The following GALNTL5 variants were observed in gnomAD, a reference collection of about 807,000 sequenced individuals.
GALNTL5 encodes inactive polypeptide N-acetylgalactosaminyltransferase-like protein 5.
In GALNTL5, 44 loss-of-function variants were observed where a neutral mutation model predicts 51.0. The observed-to-expected ratio is 0.86, with a 90% CI of 0.68 to 1.11. The LOEUF is 1.11. Ranked by LOEUF, GALNTL5 falls within the 50% of genes least tolerant of loss-of-function variation. The pLI is 0.00. For synonymous variants in GALNTL5, 192 were observed against 182.8 expected (o/e 1.05, Z -0.41); for missense variants, 528 against 531.8 (o/e 0.99, Z 0.07).
At chr7:151,985,608 G>C (rs533026224) in intron 4 of GALNTL5, 3 of 152,706 alleles carry the variant, frequency 2.0e-5, no homozygotes, top group East Asian at 3.9e-4. Flanking sequence ...CAAATGGCCT[G>C]TCCATGACCT....
chr7:151,980,787 C>T (rs1445922011), intron 3 of GALNTL5, among the ~76,000 whole-genome samples: 1 of 127,276 alleles, frequency 7.9e-6, no homozygotes, highest in South Asian at 2.7e-4. Context: ...GCTCTGTCGC[C>T]CAGGCTGGAG....
chr7:152,017,907 G>T (rs1487831985), intron 8 of GALNTL5, among the ~76,000 whole-genome samples: 1 of 151,784 alleles, frequency 6.6e-6, no homozygotes, highest in Non-Finnish European at 1.5e-5. Context: ...GTGCGGTGAT[G>T]CAATCTCGGC....
chr7:151,986,913 AG>A (rs1488231604), intron 4 of GALNTL5, among the ~76,000 whole-genome samples: 1 of 143,836 alleles, frequency 7.0e-6, no homozygotes, highest in Non-Finnish European at 1.5e-5. Flanking sequence ...TTTAGTAGAG[AG>A]GGGGTTTTCA....
Position 151,983,115 on chromosome 7 carries a change from T to G in GALNTL5, c.498T>G (p.Leu166=), listed in dbSNP as rs765805106. ...SVTNLTPHYF[L]EEIILVDDMS... is the part of the protein sequence containing the mutation. ...CGAACCTCACGCCACACTATTTTCT[T>G]GAAGAAATTATTTTGGTAGATGACA... Residue 166 remains leucine (L), a synonymous_variant, in exon 4 of 9, where the codon CTT becomes CTG. Coordinates refer to ENST00000392800, the MANE Select transcript of GALNTL5 (RefSeq NM_145292.4). The G allele has an allele frequency of 6.2e-7, 1 of 1,614,186 alleles. No individual in the cohort carries two copies.
intron 3 of GALNTL5, among the ~76,000 whole-genome samples, chr7:151,979,106 C>CTTT (rs397888897): frequency 0.038 from 2,673 of 71,070 alleles, 204 homozygotes; most frequent in African/African-American, 0.11. Flanking sequence ...TACTTTTACT[C>CTTT]TTTTTTTTTT....
At chr7:151,970,185 T>G (rs1586810087) in intron 2 of GALNTL5, among the ~76,000 whole-genome samples, 6 of 121,782 alleles carry the variant, frequency 4.9e-5, no homozygotes, top group Admixed American at 8.1e-5. Flanking sequence ...GGCCGCTGGG[T>G]GAAAGGGAAA....
chr7:152,003,074 T>A, intron 6 of GALNTL5, 111 bp downstream of exon 6: 1 of 909,000 alleles, frequency 1.1e-6, no homozygotes, highest in Non-Finnish European at 1.7e-6. Flanking sequence ...CAAAATGTTA[T>A]GTTACTTGTT....
intron 2 of GALNTL5, among the ~76,000 whole-genome samples, chr7:151,968,294 G>T (rs1228924052): frequency 6.6e-6 from 1 of 151,634 alleles, no homozygotes; most frequent in Admixed American, 6.6e-5. Flanking sequence ...GTGAGATGCT[G>T]CCTCAAAAAA....
chr7:151,998,316 A>G (rs1045106759), intron 5 of GALNTL5, among the ~76,000 whole-genome samples: 1 of 142,574 alleles, frequency 7.0e-6, no homozygotes, highest in African/African-American at 2.6e-5. Flanking sequence ...GCTTAAAACC[A>G]ATGGAAAAGG....
At chr7:152,014,537 G>A in intron 7 of GALNTL5, 107 bp from the exon 8 acceptor site, 1 of 1,106,844 alleles carries the variant, frequency 9.0e-7, no homozygotes, top group Non-Finnish European at 1.3e-6. Context: ...CAAAATGCTG[G>A]GATTACAGGC....
At chr7:151,957,175 A>T (rs563370723) in intron 1 of GALNTL5, among the ~76,000 whole-genome samples, 2 of 151,158 alleles carry the variant, frequency 1.3e-5, no homozygotes, top group Non-Finnish European at 1.5e-5. Context: ...AAAAGTGTTG[A>T]TTATTGACAG....
chr7:151,985,796 C>T (rs1919523), intron 4 of GALNTL5: 2,782 of 152,958 alleles, frequency 0.018, 88 homozygotes, highest in African/African-American at 0.061. Context: ...CTTGCTGCCT[C>T]CTACATCCTG....
At chr7:151,991,083 T>TTTG (rs746410487) in intron 5 of GALNTL5, among the ~76,000 whole-genome samples, 52 of 149,784 alleles carry the variant, frequency 3.5e-4, no homozygotes, top group Non-Finnish European at 5.9e-4. Flanking sequence ...TACTGTTCTT[T>TTTG]TTGTTGTTGT....
chr7:151,977,060 C>G (rs1053948816), intron 3 of GALNTL5, among the ~76,000 whole-genome samples: 2 of 152,102 alleles, frequency 1.3e-5, no homozygotes, highest in Admixed American at 6.6e-5. Flanking sequence ...TATTAGTAAA[C>G]TTAATAGGTA....
At chr7:151,980,819 C>T (rs533361131) in intron 3 of GALNTL5, among the ~76,000 whole-genome samples, 5 of 131,670 alleles carry the variant, frequency 3.8e-5, no homozygotes, top group East Asian at 4.5e-4. Flanking sequence ...GATCTCGGCT[C>T]ACTGCAAGCT....
At chr7:151,966,353 C>CG (rs2081060032) in intron 1 of GALNTL5, among the ~76,000 whole-genome samples, 1 of 151,844 alleles carries the variant, frequency 6.6e-6, no homozygotes, top group Non-Finnish European at 1.5e-5. Context: ...CTGCAACCTC[C>CG]GCTTCCCAGG....
At chr7:152,001,233 C>T (rs988727543) in intron 5 of GALNTL5, among the ~76,000 whole-genome samples, 3 of 150,856 alleles carry the variant, frequency 2.0e-5, no homozygotes, top group Admixed American at 6.6e-5. Context: ...TTCATTTTCT[C>T]GATTGTGTCT....
chr7:152,003,963 A>AT (rs1449961462), intron 6 of GALNTL5, among the ~76,000 whole-genome samples: 22 of 152,176 alleles, frequency 1.4e-4, no homozygotes, highest in African/African-American at 4.8e-4. Context: ...ACATTGGATC[A>AT]TTCTTTTTGA....
rs148503651 is a variant in GALNTL5 at position 152,005,061 on chromosome 7, A to C, written c.908+2098A>C. The stretch of plus-strand genomic sequence containing the variant: ...TTCCACAGCGGTTGTACTAATTTAC[A>C]TTCCTACCAACACTGTGCAAGCGTT... On this transcript the variant is annotated intron_variant, in intron 6 of 8. Transcript: ENST00000392800. Among the ~76,000 whole-genome samples, 1,267 of 152,336 alleles carry C rather than the reference A, an allele frequency of 8.3e-3. 19 individuals are homozygous for C. Among genetic ancestry groups the C allele is most frequent in the African/African-American group, 0.029 (1,218 of 41,570 alleles).
Sources: gnomAD v4.1 joint callset for allele counts (sites outside exome capture counted in the v4.1 genomes callset) on GRCh38, gnomAD v4.1.1 for gene constraint, MANE v1.5 for transcripts, NCBI Gene and HGNC (gene_info 2026-07-23, HGNC 2026-07-21) for gene names.